The following CCDC47 variants were observed in gnomAD, a reference collection of about 807,000 sequenced individuals.
CCDC47 encodes the protein PAT complex subunit CCDC47.
A neutral mutation model predicts 60.5 loss-of-function variants in CCDC47; 41 were observed. That is an observed-to-expected ratio of 0.68 (90% CI 0.53 to 0.88). The LOEUF is 0.88. CCDC47 is among the 40% of genes least tolerant of loss of function. CCDC47 has a pLI of 0.00. For missense variants in CCDC47, 513 were observed against 580.9 expected, an observed-to-expected ratio of 0.88 and a Z score of 1.20; for synonymous variants, 195 against 190.7, an observed-to-expected ratio of 1.02 and a Z score of -0.18.
At chr17:63,770,734 C>T (rs564628874) in intron 1 of CCDC47, among the ~76,000 whole-genome samples, 11 of 151,934 alleles carry the variant, frequency 7.2e-5, no homozygotes, top group South Asian at 4.2e-4. Context: ...ACCTGTAATC[C>T]CAGCACTTTG....
In CCDC47 at chr17:63,751,290, C is replaced by T. The variant is rs546634439; in HGVS notation, c.1371+650G>A. On this transcript the variant is annotated intron_variant, in intron 12 of 12. Coordinates refer to ENST00000225726, the MANE Select transcript of CCDC47 (RefSeq NM_020198.3). ...CTGAGGCAGGAGAATGGCTTGAACCCGGGAGGCGGAGACTGCACTGAGCCA... is the reference window on the plus strand; with the variant it reads ...CTGAGGCAGGAGAATGGCTTGAACCTGGGAGGCGGAGACTGCACTGAGCCA... Among the ~76,000 whole-genome samples the T allele has an allele frequency of 2.2e-4, 30 of 137,292 alleles. No homozygotes were observed. In the South Asian group the frequency reaches 5.2e-3, roughly 24 times the overall value. 90.1% of individuals were successfully genotyped at this position (137,292 alleles called of 152,430 possible).
chr17:63,748,235 C>G (rs1347876046), intron 12 of CCDC47, among the ~76,000 whole-genome samples: 1 of 151,664 alleles, frequency 6.6e-6, no homozygotes, highest in Non-Finnish European at 1.5e-5. Context: ...GCCTCAGCCC[C>G]CGGAGTAGGT....
At chr17:63,769,264 C>A (rs894861890) in intron 1 of CCDC47, among the ~76,000 whole-genome samples, 8 of 136,316 alleles carry the variant, frequency 5.9e-5, no homozygotes, top group South Asian at 4.5e-4. Flanking sequence ...AAAAAAAAAA[C>A]AAAATGTTAC....
chr17:63,770,610 C>T (rs1391267061), intron 1 of CCDC47, among the ~76,000 whole-genome samples: 2 of 152,134 alleles, frequency 1.3e-5, no homozygotes, highest in South Asian at 2.1e-4. Flanking sequence ...TCATTTATAG[C>T]ACTGAAACTT....
chr17:63,759,753 C>T (rs1231783896), intron 6 of CCDC47, among the ~76,000 whole-genome samples: 3 of 149,976 alleles, frequency 2.0e-5, no homozygotes, highest in Non-Finnish European at 4.4e-5. Flanking sequence ...GCAGTGGGAG[C>T]CAGCATAATT....
In CCDC47 at chr17:63,752,124, A is replaced by T. The variant is rs1233360733; in HGVS notation, c.1204-17T>A. ...TTGTTTGCCCTTCCCCAAGAAACAA[A>T]GTATTTCATAAGAAATCCATTTCTA... On this transcript the variant is annotated splice_polypyrimidine_tract_variant and intron_variant, in intron 11 of 12. Coordinates refer to ENST00000225726, the MANE Select transcript of CCDC47 (RefSeq NM_020198.3). 6.2e-7 allele frequency: 1 copy of T among 1,609,900 alleles called. No individual in the cohort carries two copies. Among genetic ancestry groups the T allele is most frequent in the African/African-American group, 1.3e-5 (1 of 74,646 alleles).
At chr17:63,772,547 C>T (rs2039354930) in intron 1 of CCDC47, among the ~76,000 whole-genome samples, 1 of 152,096 alleles carries the variant, frequency 6.6e-6, no homozygotes. Context: ...GCCACCGCGC[C>T]CAGCCTCCTT....
intron 9 of CCDC47, 115 bp downstream of exon 9, chr17:63,754,318 G>C: frequency 4.4e-6 from 3 of 686,700 alleles, no homozygotes; most frequent in Admixed American, 2.6e-5. Context: ...GTGGAGGCCT[G>C]TCACCAACTT....
At chr17:63,768,846 G>A (rs1265060257) in intron 1 of CCDC47, among the ~76,000 whole-genome samples, 3 of 152,044 alleles carry the variant, frequency 2.0e-5, no homozygotes, top group Non-Finnish European at 4.4e-5. Context: ...CAGTTTGGGA[G>A]GCCAAGGTAG....
chr17:63,761,777 A>G, intron 4 of CCDC47: 1 of 964,110 alleles, frequency 1.0e-6, no homozygotes, highest in African/African-American at 1.8e-5. Context: ...TCAGAGTAGC[A>G]ATACTTTGCT....
At chr17:63,761,858 C>T in intron 4 of CCDC47, 2 of 944,236 alleles carry the variant, frequency 2.1e-6, no homozygotes, top group Non-Finnish European at 2.5e-6. Context: ...AAACTATTGT[C>T]TGTATTAGAA....
At chr17:63,768,444 G>GT (rs113049802) in intron 1 of CCDC47, among the ~76,000 whole-genome samples, 2,504 of 149,482 alleles carry the variant, frequency 0.017, 78 homozygotes, top group African/African-American at 0.059. Flanking sequence ...TCCCAGCACT[G>GT]TGGGAGACTG....
chr17:63,756,617 G>T, intron 6 of CCDC47, 47 bp from the exon 7 acceptor site: 1 of 1,292,312 alleles, frequency 7.7e-7, no homozygotes, highest in Non-Finnish European at 1.1e-6. Flanking sequence ...GTTAGGTTCT[G>T]TGATAGGCAG....
chr17:63,771,251 T>C (rs573241338), intron 1 of CCDC47, among the ~76,000 whole-genome samples: 2 of 152,078 alleles, frequency 1.3e-5, no homozygotes, highest in East Asian at 3.9e-4. Flanking sequence ...TTAAATTAGG[T>C]ATTATAAGTA....
intron 1 of CCDC47, among the ~76,000 whole-genome samples, chr17:63,767,716 T>A (rs188095253): frequency 0.011 from 1,727 of 152,026 alleles, 14 homozygotes; most frequent in Non-Finnish European, 0.017. Context: ...GTTCTTTTTT[T>A]AAAAAAAACT....
chr17:63,751,766 C>A (rs1242580562), intron 12 of CCDC47, 174 bp downstream of exon 12: 2 of 711,244 alleles, frequency 2.8e-6, no homozygotes, highest in Non-Finnish European at 4.9e-6. Context: ...TGTGGCACGG[C>A]TTGAACAGGA....
intron 6 of CCDC47, among the ~76,000 whole-genome samples, chr17:63,758,777 A>G (rs2039226966): frequency 6.6e-6 from 1 of 152,080 alleles, no homozygotes; most frequent in South Asian, 2.1e-4. Flanking sequence ...GAAGAAGGAA[A>G]ATGTTAATAT....
At chr17:63,768,523 A>G (rs1278785818) in intron 1 of CCDC47, among the ~76,000 whole-genome samples, 3 of 152,132 alleles carry the variant, frequency 2.0e-5, no homozygotes, top group African/African-American at 7.2e-5. Flanking sequence ...ACCCACCTCT[A>G]CAAACAAAAT....
At chr17:63,749,043 T>A (rs1288445235) in intron 12 of CCDC47, among the ~76,000 whole-genome samples, 1 of 151,912 alleles carries the variant, frequency 6.6e-6, no homozygotes, top group Non-Finnish European at 1.5e-5. Flanking sequence ...ATAAATATAT[T>A]TATGCTAGCA....
Sources: gnomAD v4.1 joint callset for allele counts (sites outside exome capture counted in the v4.1 genomes callset) on GRCh38, gnomAD v4.1.1 for gene constraint, MANE v1.5 for transcripts, NCBI Gene and HGNC (gene_info 2026-07-23, HGNC 2026-07-21) for gene names.